MED12L: variants seen among roughly 807,000 people sequenced by gnomAD.
The protein encoded by MED12L is mediator of RNA polymerase II transcription subunit 12-like protein.
In MED12L, 60 loss-of-function variants were observed where a neutral mutation model predicts 281.3. The ratio of observed to expected loss-of-function variants is 0.21; its 90% CI spans 0.17 to 0.26. The LOEUF (loss-of-function observed/expected upper bound fraction) is 0.26. Ranked by LOEUF, MED12L falls within the 10% of genes least tolerant of loss-of-function variation. MED12L has a pLI of 1.00. For synonymous variants in MED12L, 974 were observed against 987.2 expected, an observed-to-expected ratio of 0.99 and a Z score of 0.25; for missense variants, 2,146 against 2,680.9, an observed-to-expected ratio of 0.80 and a Z score of 4.41.
intron 39 of MED12L, among the ~76,000 whole-genome samples, chr3:151,398,764 C>T (rs541559644): frequency 6.6e-6 from 1 of 152,244 alleles, no homozygotes; most frequent in East Asian, 1.9e-4. Flanking sequence ...TGTTGTAAGA[C>T]CTTCAGTGAT....
chr3:151,387,314 A>C (rs1022486325), intron 36 of MED12L, among the ~76,000 whole-genome samples: 1 of 152,110 alleles, frequency 6.6e-6, no homozygotes, highest in Non-Finnish European at 1.5e-5. Context: ...ATGGCTTATT[A>C]AGTACAGGGC....
intron 43 of MED12L, among the ~76,000 whole-genome samples, chr3:151,429,702 G>A (rs1201248623): frequency 6.6e-6 from 1 of 152,124 alleles, no homozygotes; most frequent in East Asian, 1.9e-4. Flanking sequence ...TACAGAGCCT[G>A]TATTTGCATG....
chr3:151,377,970 A>T (rs1474178746), intron 30 of MED12L, 42 bp from the exon 31 acceptor site: 1 of 1,527,866 alleles, frequency 6.5e-7, no homozygotes, highest in South Asian at 1.3e-5. Flanking sequence ...AGAGCAGGGG[A>T]AAGGATGCTT....
chr3:151,102,390 G>A (rs985351997), intron 2 of MED12L, among the ~76,000 whole-genome samples: 9 of 152,104 alleles, frequency 5.9e-5, no homozygotes, highest in Non-Finnish European at 1.2e-4. Flanking sequence ...TTTACCAGGG[G>A]AAATTTGTTT....
At position 151,213,799 on chromosome 3, in the gene MED12L, A is replaced by G. The variant is rs1727621961; in HGVS notation, c.2250+20133A>G. On this transcript the variant is annotated intron_variant, in intron 16 of 44. Coordinates refer to ENST00000687756, the MANE Select transcript of MED12L (RefSeq NM_001393769.1). ...CCGTCCCAGTTCACTTTTCAGTTCT[A>G]TACATTTTATTTGTGTAACCTCCCT... is the stretch of plus-strand genomic sequence containing the variant. 2 of 1,614,164 alleles carry G rather than the reference A, an allele frequency of 1.2e-6. No individual in the cohort carries two copies. The highest frequency in any genetic ancestry group is 1.7e-5 in the Admixed American group (1 of 60,028).
intron 39 of MED12L, among the ~76,000 whole-genome samples, chr3:151,398,836 T>C (rs1404109404): frequency 6.6e-6 from 1 of 152,196 alleles, no homozygotes; most frequent in Non-Finnish European, 1.5e-5. Flanking sequence ...TATAGGTACC[T>C]ATATGATAAA....
At chr3:151,294,604 C>CA in intron 16 of MED12L, 1 of 1,614,186 alleles carries the variant, frequency 6.2e-7, no homozygotes, top group Non-Finnish European at 8.5e-7. Flanking sequence ...CGGCCACAAA[C>CA]AAGCAGCTGT....
rs951545745 is a variant in MED12L, at chr3:151,424,356, C to A, written c.6409-5943C>A. ...GATGACTCTGCCGGATGCAATGGCT[C>A]ACGCCTGTAATCCCAGCACTTTGGG... On this transcript the variant is annotated intron_variant, in intron 43 of 44. Coordinates refer to ENST00000687756, the MANE Select transcript of MED12L (RefSeq NM_001393769.1). Among the ~76,000 whole-genome samples, 4 of 152,204 alleles carry A rather than the reference C, an allele frequency of 2.6e-5. No individual in the cohort carries two copies. The East Asian group carries it at 7.7e-4, about 29-fold the overall frequency.
At chr3:151,271,166 A>G (rs1740874579) in intron 16 of MED12L, among the ~76,000 whole-genome samples, 2 of 152,186 alleles carry the variant, frequency 1.3e-5, no homozygotes, top group South Asian at 2.1e-4. Flanking sequence ...TCATTACTCT[A>G]TAATAAAAAG....
At chr3:151,187,666 C>T (rs1002283648) in intron 12 of MED12L, among the ~76,000 whole-genome samples, 32 of 152,276 alleles carry the variant, frequency 2.1e-4, no homozygotes, top group African/African-American at 7.5e-4. Flanking sequence ...TAAATAACTT[C>T]CCTAGAGGTA....
At chr3:151,185,875 C>G (rs999775617) in intron 12 of MED12L, among the ~76,000 whole-genome samples, 2 of 151,976 alleles carry the variant, frequency 1.3e-5, no homozygotes, top group African/African-American at 4.8e-5. Flanking sequence ...TAAAATAATA[C>G]AATTTTAGCA....
At chr3:151,106,309 C>T (rs796210302) in intron 2 of MED12L, among the ~76,000 whole-genome samples, 142 of 36,796 alleles carry the variant, frequency 3.9e-3, no homozygotes, top group African/African-American at 5.5e-3. Context: ...CCTTTTCCTT[C>T]TCCCCTCCCC....
At chr3:151,224,086 T>A (rs950552820) in intron 16 of MED12L, among the ~76,000 whole-genome samples, 1 of 152,178 alleles carries the variant, frequency 6.6e-6, no homozygotes, top group Non-Finnish European at 1.5e-5. Context: ...TGTCTGCACT[T>A]CTGTTTTTGT....
Position 151,383,819 on chromosome 3 carries a change from G to C in MED12L, c.4721G>C (p.Trp1574Ser), listed in dbSNP as rs1489660402. Residue 1574 changes from tryptophan (W) to serine (S), a missense_variant, in exon 34 of 45, where the codon TGG (tryptophan) becomes TCG (serine). Physicochemically the swap from Trp to Ser is radical, Grantham distance 177 (BLOSUM62 -3). This residue lies in a region of MED12L where 212 missense variants were observed against 340.8 expected (regional missense o/e 0.62). Transcript: ENST00000687756. Reference protein sequence around the residue: ...MFDTVQRSTQWTTDWALLLLQ... With the variant: ...MFDTVQRSTQSTTDWALLLLQ... ...GACACGGTGCAGAGGAGCACCCAGT[G>C]GACTACAGACTGGGCCCTGCTACTC... 1 of 1,613,778 alleles carries C rather than the reference G, an allele frequency of 6.2e-7. No individual in the cohort carries two copies. Among genetic ancestry groups the C allele is most frequent in the Non-Finnish European group, 8.5e-7 (1 of 1,179,870 alleles).
chr3:151,238,655 T>G lies in MED12L; in HGVS notation c.2250+44989T>G, dbSNP rs529867873. 1.7e-3 allele frequency among the ~76,000 whole-genome samples: 262 copies of G among 151,750 alleles called. 4 individuals carry two copies. The highest frequency in any genetic ancestry group is 5.9e-5 in the Non-Finnish European group (4 of 67,890). On this transcript the variant is annotated intron_variant, in intron 16 of 44. Transcript: ENST00000687756. ...AAATCAAGGCAGTGCACTCAACTGT[T>G]CATTGCATTTTATACCTTACTGACA...
rs1421313160 is a variant in MED12L at position 151,436,363 on chromosome 3, G to T, written c.*3559G>T. The T allele has an allele frequency of 4.5e-6, 1 of 221,150 alleles. No individual in the cohort carries two copies. The highest frequency in any genetic ancestry group is 2.3e-5 in the African/African-American group (1 of 42,584). The allele number at this position is 221,150 out of a possible 1,614,324, so 13.7% of individuals were successfully genotyped here. ...ATAGGAGGTGGACACTAGGCAACTG[G>T]TATTAGAAGTTCATTTTTTTACTGA... On this transcript the variant is annotated 3_prime_UTR_variant, in exon 45 of 45. Coordinates refer to ENST00000687756, the MANE Select transcript of MED12L (RefSeq NM_001393769.1).
chr3:151,177,682 G>C (rs1166222456), intron 11 of MED12L, among the ~76,000 whole-genome samples: 1 of 151,490 alleles, frequency 6.6e-6, no homozygotes, highest in Admixed American at 6.6e-5. Flanking sequence ...TATTTTAAAT[G>C]GGGTGTCACT....
chr3:151,303,234 T>G (rs540689417), intron 16 of MED12L, among the ~76,000 whole-genome samples: 1 of 152,154 alleles, frequency 6.6e-6, no homozygotes, highest in Non-Finnish European at 1.5e-5. Context: ...TTAGTCTCTT[T>G]CGCTGATGTA....
At position 151,335,006 on chromosome 3, in the gene MED12L, T is replaced by A. The variant is rs539263608; in HGVS notation, c.2251-15053T>A. 2.0e-5 allele frequency among the ~76,000 whole-genome samples: 3 copies of A among 152,314 alleles called. No homozygotes were observed. The South Asian group carries it at 6.2e-4, about 32-fold the overall frequency. On this transcript the variant is annotated intron_variant, in intron 16 of 44. Transcript: ENST00000687756. The stretch of plus-strand genomic sequence containing the variant: ...TCATTCGGCATGAAATTTTATTCAT[T>A]TGATTTTTTTCCTCACAAACATTTG...
Sources: allele counts gnomAD v4.1 joint callset (sites outside exome capture counted in the v4.1 genomes callset), GRCh38; gene constraint gnomAD v4.1.1; regional missense constraint gnomAD v4.1.1; transcripts MANE v1.5; gene names NCBI Gene and HGNC (gene_info 2026-07-23, HGNC 2026-07-21).